The following BBOX1 variants were observed in gnomAD, a reference collection of about 807,000 sequenced individuals.
BBOX1 encodes the protein gamma-butyrobetaine hydroxylase 1, also known as gamma-butyrobetaine dioxygenase.
A neutral mutation model predicts 41.6 loss-of-function variants in BBOX1; 35 were observed. The ratio of observed to expected loss-of-function variants is 0.84; its 90% confidence interval spans 0.64 to 1.11. The LOEUF is 1.11. BBOX1 is among the 50% of genes most tolerant of loss of function. The probability of loss-of-function intolerance (pLI) is 0.00; values close to 1 mark genes in which losing one functional copy is unlikely to be tolerated. For missense variants in BBOX1, 458 were observed against 460.6 expected, an observed-to-expected ratio of 0.99 and a Z score of 0.05; for synonymous variants, 163 against 154.7, an observed-to-expected ratio of 1.05 and a Z score of -0.40.
At position 27,094,808 on chromosome 11, in the gene BBOX1, C is replaced by T. The variant is rs1251199358; in HGVS notation, c.533+1442C>T. Among the ~76,000 whole-genome samples, 4 of 152,050 alleles carry T rather than the reference C, an allele frequency of 2.6e-5. No individual in the cohort carries two copies. In the East Asian group the frequency reaches 7.7e-4, roughly 29 times the overall value. ...ACTCTGACTCCGAAACTTACATTTA[C>T]CATTAGTGGATTTGTGTTGTATAAA... is the stretch of plus-strand genomic sequence containing the variant. On this transcript the variant is annotated intron_variant, in intron 5 of 8. Coordinates refer to ENST00000263182, the MANE Select transcript of BBOX1 (RefSeq NM_003986.3).
At chr11:27,092,501 A>G (rs1279878161) in intron 4 of BBOX1, among the ~76,000 whole-genome samples, 10 of 152,000 alleles carry the variant, frequency 6.6e-5, no homozygotes, top group South Asian at 4.1e-4. Flanking sequence ...TGTTTTCTCA[A>G]TTAAGCATTT....
intron 7 of BBOX1, among the ~76,000 whole-genome samples, chr11:27,123,836 A>T (rs1292717988): frequency 2.0e-5 from 3 of 152,154 alleles, no homozygotes; most frequent in Non-Finnish European, 2.9e-5. Context: ...CAGGTAGGGT[A>T]CTCCATTACC....
At chr11:27,041,909 A>G (rs901003567) in intron 2 of BBOX1, among the ~76,000 whole-genome samples, 3 of 152,156 alleles carry the variant, frequency 2.0e-5, no homozygotes, top group African/African-American at 7.2e-5. Context: ...ACCCATCCCA[A>G]AGAATGGTGA....
intron 5 of BBOX1, among the ~76,000 whole-genome samples, chr11:27,103,480 T>C (rs994769534): frequency 6.6e-6 from 1 of 152,076 alleles, no homozygotes; most frequent in African/African-American, 2.4e-5. Context: ...CTCAAATCGT[T>C]TCTATTGATT....
At chr11:27,080,542 A>T (rs1857799839) in intron 4 of BBOX1, among the ~76,000 whole-genome samples, 1 of 152,152 alleles carries the variant, frequency 6.6e-6, no homozygotes, top group Non-Finnish European at 1.5e-5. Flanking sequence ...ACAAAATAAG[A>T]GAAAAATCCT....
At chr11:27,117,260 T>C (rs1364572024) in intron 6 of BBOX1, among the ~76,000 whole-genome samples, 2 of 152,016 alleles carry the variant, frequency 1.3e-5, no homozygotes, top group African/African-American at 4.8e-5. Context: ...AGCCCAATTT[T>C]TTTTTCATTA....
chr11:27,104,075 A>T (rs193085590), intron 5 of BBOX1, among the ~76,000 whole-genome samples: 2 of 151,746 alleles, frequency 1.3e-5, no homozygotes, highest in East Asian at 3.9e-4. Context: ...CTCAATATGC[A>T]CTCTTCTCAG....
chr11:27,101,668 T>G (rs1475441671), intron 5 of BBOX1, among the ~76,000 whole-genome samples: 1 of 152,128 alleles, frequency 6.6e-6, no homozygotes, highest in Non-Finnish European at 1.5e-5. Context: ...CCTTTAAAAA[T>G]AAATGTACAA....
intron 2 of BBOX1, among the ~76,000 whole-genome samples, chr11:27,043,476 T>TTTGGGGTACATGTGCAGAATGTGCAGGG (rs1851402599): frequency 2.0e-5 from 3 of 152,046 alleles, no homozygotes; most frequent in African/African-American, 2.4e-5. Context: ...AATGTGCAGG[T>TTTGGGGTACATGTGCAGAATGTGCAGGG]ATACACATGC....
At position 27,105,448 on chromosome 11, in the gene BBOX1, A is replaced by G. The variant is rs548287990; in HGVS notation, c.534-10004A>G. ...GGCACGAGAACTACGTGACGAATGC[A>G]CAAGCTTCAGTTGCAAATTCGATCA... On this transcript the variant is annotated intron_variant, in intron 5 of 8. Transcript: ENST00000263182. Among the ~76,000 whole-genome samples the G allele has an allele frequency of 2.0e-5, 3 of 152,334 alleles. No individual in the cohort carries two copies. The East Asian group carries it at 5.8e-4, about 29-fold the overall frequency.
chr11:27,062,134 T>C (rs899757033), intron 4 of BBOX1, among the ~76,000 whole-genome samples: 4 of 152,272 alleles, frequency 2.6e-5, no homozygotes, highest in Admixed American at 1.3e-4. Context: ...CAAAGATAGA[T>C]AGAAAGTAAG....
intron 5 of BBOX1, among the ~76,000 whole-genome samples, chr11:27,099,691 G>T (rs1043663186): frequency 1.3e-5 from 2 of 152,058 alleles, no homozygotes; most frequent in Non-Finnish European, 2.9e-5. Context: ...TTCACCATGG[G>T]CTGTTTGTAA....
intron 4 of BBOX1, among the ~76,000 whole-genome samples, chr11:27,067,154 G>C (rs758213373): frequency 1.4e-4 from 21 of 151,984 alleles, no homozygotes; most frequent in African/African-American, 4.1e-4. Flanking sequence ...CCTTGAAAGT[G>C]GTTGTAAGTA....
At chr11:27,082,997 C>G (rs1857904570) in intron 4 of BBOX1, among the ~76,000 whole-genome samples, 1 of 152,066 alleles carries the variant, frequency 6.6e-6, no homozygotes. Context: ...TACTAACAGT[C>G]CAACATGAAA....
At chr11:27,121,577 T>G (rs1859466751) in intron 7 of BBOX1, among the ~76,000 whole-genome samples, 1 of 151,966 alleles carries the variant, frequency 6.6e-6, no homozygotes, top group African/African-American at 2.4e-5. Context: ...GAAGGATCAG[T>G]TTTTGGTTAC....
rs1859713978 is a variant in BBOX1 at position 27,127,644 on chromosome 11, T to G, written c.*191T>G. 8 of 636,132 alleles carry G rather than the reference T, an allele frequency of 1.3e-5. No homozygotes were observed. The highest frequency in any genetic ancestry group is 2.0e-5 in the Non-Finnish European group (8 of 399,248). The allele number at this position is 636,132 out of a possible 1,614,324, so 39.4% of individuals were successfully genotyped here. On this transcript the variant is annotated 3_prime_UTR_variant, in exon 9 of 9. Transcript: ENST00000263182. ...CAACTTTTTAGATGTTTCACCACTC[T>G]TTTGCAAATAAAGCATCCTTTCTGC...
chr11:27,122,515 G>A (rs1239810663), intron 7 of BBOX1, among the ~76,000 whole-genome samples: 1 of 152,072 alleles, frequency 6.6e-6, no homozygotes, highest in African/African-American at 2.4e-5. Context: ...CTTACTGGGG[G>A]GAGATTTCTA....
chr11:27,093,423 CAACT>C, intron 5 of BBOX1, 57 bp downstream of exon 5: 1 of 1,542,386 alleles, frequency 6.5e-7, no homozygotes, highest in South Asian at 1.1e-5. Flanking sequence ...AAATAGTTCC[CAACT>C]GAGGACGACC....
At chr11:27,085,693 ATG>A (rs777349528) in intron 4 of BBOX1, among the ~76,000 whole-genome samples, 6 of 152,030 alleles carry the variant, frequency 3.9e-5, no homozygotes, top group Non-Finnish European at 8.8e-5. Flanking sequence ...GAAGAGTTGC[ATG>A]TCTCTCACTT....
Sources: gnomAD v4.1 joint callset for allele counts (sites outside exome capture counted in the v4.1 genomes callset) on GRCh38, gnomAD v4.1.1 for gene constraint, MANE v1.5 for transcripts, NCBI Gene and HGNC (gene_info 2026-07-23, HGNC 2026-07-21) for gene names.